Variants in FLRT1 observed in about 807,000 individuals in gnomAD.
The protein encoded by FLRT1 is fibronectin leucine rich transmembrane protein 1, also known as leucine-rich repeat transmembrane protein FLRT1.
FLRT1 carries 14 observed loss-of-function variants against 30.9 expected under a neutral mutation model. The observed-to-expected ratio is 0.45, with a 90% CI of 0.30 to 0.71. The LOEUF (loss-of-function observed/expected upper bound fraction) is 0.71, where lower values mean the gene tolerates loss of function less well. Among genes scored for constraint, FLRT1 ranks in the 30% least tolerant of loss-of-function variants. FLRT1 has a pLI of 0.08. For synonymous variants in FLRT1, 368 were observed against 430.4 expected (o/e 0.85, Z 1.80); for missense variants, 737 against 949.2 (o/e 0.78, Z 2.94).
In FLRT1 at chr11:64,096,383, T is replaced by C. The variant is rs907545861; in HGVS notation, c.-1037-6811T>C. Among the ~76,000 whole-genome samples the C allele has an allele frequency of 2.6e-5, 4 of 151,314 alleles. No individual in the cohort carries two copies. The highest frequency in any genetic ancestry group is 4.2e-4 in the South Asian group (2 of 4,798). ...ACGCATTACAGTGAGGTCTGCCAGGTAGAGCTGGCAGGCAAGTGGTCGTTC... is the reference window on the plus strand; with the variant it reads ...ACGCATTACAGTGAGGTCTGCCAGGCAGAGCTGGCAGGCAAGTGGTCGTTC... On this transcript the variant is annotated intron_variant, in intron 1 of 2. Transcript: ENST00000682287. This position sits in a 1 kb window ranked among gnomAD's most constrained non-coding sequence, Gnocchi z 4.6.
intron 1 of FLRT1, among the ~76,000 whole-genome samples, chr11:64,056,651 A>C (rs910780127): frequency 2.3e-4 from 35 of 152,198 alleles, no homozygotes; most frequent in Admixed American, 2.0e-3. Context: ...CATGGCCGAC[A>C]GGTCACAGGG....
At chr11:64,070,486 C>T (rs577708022) in intron 1 of FLRT1, among the ~76,000 whole-genome samples, 47 of 152,286 alleles carry the variant, frequency 3.1e-4, no homozygotes, top group African/African-American at 1.0e-3. Flanking sequence ...GGGAAGCTTT[C>T]GGACCCTCCT....
intron 1 of FLRT1, among the ~76,000 whole-genome samples, chr11:64,046,383 GC>G (rs1437520518): frequency 6.6e-6 from 1 of 152,202 alleles, no homozygotes; most frequent in African/African-American, 2.4e-5. Flanking sequence ...AGCCAGGCTG[GC>G]CCTGGGTTCC....
chr11:64,051,588 C>T (rs772376255), intron 1 of FLRT1, among the ~76,000 whole-genome samples: 7 of 152,318 alleles, frequency 4.6e-5, no homozygotes, highest in African/African-American at 9.6e-5. Context: ...GTCTGACAGA[C>T]GGCCTTGTGC....
At chr11:64,099,250 G>A (rs146591661) in intron 1 of FLRT1, among the ~76,000 whole-genome samples, 15 of 152,370 alleles carry the variant, frequency 9.8e-5, no homozygotes, top group African/African-American at 3.6e-4. Context: ...TGGGCAAGGC[G>A]GGGCTCTTGG....
At chr11:64,089,974 C>A (rs1443063147) in intron 1 of FLRT1, among the ~76,000 whole-genome samples, 2 of 152,158 alleles carry the variant, frequency 1.3e-5, no homozygotes, top group Non-Finnish European at 2.9e-5. Flanking sequence ...GATAAGATGG[C>A]GTCTTCATTG....
At position 64,036,215 on chromosome 11, in the gene FLRT1, C is replaced by T. The variant is rs1943377068; in HGVS notation, c.-1038+56C>T. ...GGTCCGCGCGTCTGGGACAGGGCGC[C>T]AGAGCCGACGGGGCGGGGGCCGGGG... On this transcript the variant is annotated intron_variant, in intron 1 of 2. Transcript: ENST00000682287. This position sits in a 1 kb window ranked among gnomAD's most constrained non-coding sequence, Gnocchi z 5.6. 1 of 152,088 alleles carries T rather than the reference C, an allele frequency of 6.6e-6. No homozygotes were observed. Among genetic ancestry groups the T allele is most frequent in the African/African-American group, 2.4e-5 (1 of 41,416 alleles). The allele number at this position is 152,088 out of a possible 1,614,324, so 9.4% of individuals were successfully genotyped here. A position where few individuals can be genotyped will look rare whatever the true frequency, so the allele number is the denominator to read the frequency against.
In FLRT1 at chr11:64,082,150, G is replaced by A. The variant is rs1288100840; in HGVS notation, c.-1037-21044G>A. 6.6e-6 allele frequency: 1 copy of A among 152,252 alleles called. No homozygotes were observed. Among genetic ancestry groups the A allele is most frequent in the East Asian group, 1.9e-4 (1 of 5,174 alleles). 9.4% of individuals were successfully genotyped at this position (152,252 alleles called of 1,614,324 possible). A position where few individuals can be genotyped will look rare whatever the true frequency, so the allele number is the denominator to read the frequency against. On this transcript the variant is annotated intron_variant, in intron 1 of 2. Transcript: ENST00000682287. The surrounding 1 kb of genome is among the most constrained non-coding windows in gnomAD (Gnocchi z 4.5). ...CTGTGGCTGCGCCTGGAGCCTCCCG[G>A]GAGGGAGGCCAGAGCCAGGAGCAGG...
chr11:64,106,481 A>C (rs1307246466), intron 2 of FLRT1, among the ~76,000 whole-genome samples: 1 of 152,206 alleles, frequency 6.6e-6, no homozygotes, highest in African/African-American at 2.4e-5. Context: ...AGGAGTTTAC[A>C]TTCTAAGGGG....
chr11:64,066,294 CAAAAAAAA>C (rs59963244), intron 1 of FLRT1, among the ~76,000 whole-genome samples: 15 of 50,946 alleles, frequency 2.9e-4, no homozygotes, highest in African/African-American at 9.7e-4. Flanking sequence ...GAGACTGTCT[CAAAAAAAA>C]AAAAAAAAAA....
At chr11:64,099,192 G>A (rs943560073) in intron 1 of FLRT1, among the ~76,000 whole-genome samples, 7 of 152,210 alleles carry the variant, frequency 4.6e-5, no homozygotes, top group Admixed American at 2.0e-4. Flanking sequence ...ACAGCACAGC[G>A]TCATCTTCTC....
At chr11:64,070,126 A>G (rs1944079417) in intron 1 of FLRT1, among the ~76,000 whole-genome samples, 1 of 152,068 alleles carries the variant, frequency 6.6e-6, no homozygotes, top group Non-Finnish European at 1.5e-5. Flanking sequence ...TACCCCTTAC[A>G]TAGATGTGGA....
At chr11:64,098,472 T>C (rs933190795) in intron 1 of FLRT1, among the ~76,000 whole-genome samples, 3 of 152,210 alleles carry the variant, frequency 2.0e-5, no homozygotes, top group African/African-American at 7.2e-5. Context: ...ATGCTCTCCC[T>C]GCCCCCAGCC....
Position 64,036,696 on chromosome 11 carries a change from A to G in FLRT1, c.-1038+537A>G, listed in dbSNP as rs963407109. On this transcript the variant is annotated intron_variant, in intron 1 of 2. Transcript: ENST00000682287. This position sits in a 1 kb window ranked among gnomAD's most constrained non-coding sequence, Gnocchi z 5.6. ...TCAAGGGGGGCATGAGCAGCCTCCAACTTCCCTCCCTGTGCGCGCTGTGGA... is the reference window on the plus strand; with the variant it reads ...TCAAGGGGGGCATGAGCAGCCTCCAGCTTCCCTCCCTGTGCGCGCTGTGGA... Among the ~76,000 whole-genome samples, 2 of 151,882 alleles carry G rather than the reference A, an allele frequency of 1.3e-5. No individual in the cohort carries two copies. The highest frequency in any genetic ancestry group is 2.4e-5 in the African/African-American group (1 of 41,332).
intron 1 of FLRT1, among the ~76,000 whole-genome samples, chr11:64,061,002 C>T (rs1489192356): frequency 6.6e-6 from 1 of 152,040 alleles, no homozygotes; most frequent in African/African-American, 2.4e-5. Flanking sequence ...GTCGACCTTC[C>T]CCGACCCAGG....
chr11:64,102,636 AC>A (rs1035217056), intron 1 of FLRT1, among the ~76,000 whole-genome samples: 7 of 151,894 alleles, frequency 4.6e-5, no homozygotes, highest in African/African-American at 1.7e-4. Context: ...CAGTCCTTCC[AC>A]CCCCAGGGAG....
rs1422542186 is a variant in FLRT1 at position 64,082,691 on chromosome 11, A to C, written c.-1037-20503A>C. Among the ~76,000 whole-genome samples, 3 of 152,096 alleles carry C rather than the reference A, an allele frequency of 2.0e-5. No individual in the cohort carries two copies. Among genetic ancestry groups the C allele is most frequent in the Non-Finnish European group, 4.4e-5 (3 of 67,996 alleles). Reference sequence around the variant, plus strand: ...AGACCCCTGTCCTGCTCCACCCTGCAGGCCCCTGGGTCTCACACAAGGAAT... The same window carrying C: ...AGACCCCTGTCCTGCTCCACCCTGCCGGCCCCTGGGTCTCACACAAGGAAT... On this transcript the variant is annotated intron_variant, in intron 1 of 2. Transcript: ENST00000682287. This position sits in a 1 kb window ranked among gnomAD's most constrained non-coding sequence, Gnocchi z 4.5.
intron 1 of FLRT1, among the ~76,000 whole-genome samples, chr11:64,102,795 T>A (rs1359377722): frequency 2.0e-5 from 3 of 151,880 alleles, no homozygotes; most frequent in African/African-American, 7.3e-5. Context: ...CCAGGCTGGG[T>A]ACAGTGGCTC....
In FLRT1 at chr11:64,090,227, C is replaced by A. The variant is rs558573960; in HGVS notation, c.-1037-12967C>A. Among the ~76,000 whole-genome samples the A allele has an allele frequency of 6.6e-6, 1 of 152,184 alleles. No individual in the cohort carries two copies. Among genetic ancestry groups the A allele is most frequent in the Non-Finnish European group, 1.5e-5 (1 of 68,036 alleles). ...ACAGGGTGACAGGGTGTGGGAAAGG[C>A]CAACGGGCGTGTGGGTCTCCAGCCT... On this transcript the variant is annotated intron_variant, in intron 1 of 2. Coordinates refer to ENST00000682287, the MANE Select transcript of FLRT1 (RefSeq NM_013280.5). This position sits in a 1 kb window ranked among gnomAD's most constrained non-coding sequence, Gnocchi z 4.7.
Sources: allele counts gnomAD v4.1 joint callset (sites outside exome capture counted in the v4.1 genomes callset), GRCh38; gene constraint gnomAD v4.1.1; non-coding constraint Gnocchi (gnomAD v3.1); transcripts MANE v1.5; gene names NCBI Gene and HGNC (gene_info 2026-07-23, HGNC 2026-07-21).